Variants in RCBTB2 observed in about 807,000 individuals in gnomAD.
RCBTB2 encodes the protein RCC1 and BTB domain containing protein 2.
Under a neutral mutation model 65.4 loss-of-function variants are expected in RCBTB2, and 55 were observed. That is an observed-to-expected ratio of 0.84 (90% CI 0.68 to 1.05). The LOEUF (loss-of-function observed/expected upper bound fraction) is 1.05, where lower values mean the gene tolerates loss of function less well. RCBTB2 is among the 50% of genes least tolerant of loss of function. The pLI, the probability that RCBTB2 is intolerant of heterozygous loss-of-function variation, is 0.00. For missense variants in RCBTB2, 599 were observed against 680.1 expected, an observed-to-expected ratio of 0.88 and a Z score of 1.33; for synonymous variants, 220 against 255.2, an observed-to-expected ratio of 0.86 and a Z score of 1.31.
chr13:48,516,594 T>C (rs977754322), intron 4 of RCBTB2, among the ~76,000 whole-genome samples: 1 of 152,188 alleles, frequency 6.6e-6, no homozygotes, highest in Non-Finnish European at 1.5e-5. Flanking sequence ...ACCAATTATA[T>C]TGGATTAAGG....
At chr13:48,526,659 A>T (rs938534164) in intron 1 of RCBTB2, among the ~76,000 whole-genome samples, 3 of 152,168 alleles carry the variant, frequency 2.0e-5, no homozygotes, top group Non-Finnish European at 4.4e-5. Flanking sequence ...TCATGCCTGT[A>T]ATCTCAACAT....
chr13:48,531,386 A>T (rs776569385), intron 1 of RCBTB2, among the ~76,000 whole-genome samples: 19 of 152,238 alleles, frequency 1.2e-4, no homozygotes, highest in Admixed American at 2.0e-4. Context: ...AATATATAAT[A>T]TCAGATGGTG....
At chr13:48,534,958 C>T (rs1952342594), upstream of RCBTB2, among the ~76,000 whole-genome samples, 1 of 152,246 alleles carries the variant, frequency 6.6e-6, no homozygotes, top group South Asian at 2.1e-4. Flanking sequence ...GCTGTGCATG[C>T]TCTTATTTAA....
chr13:48,511,101 T>G (rs1950767427), intron 9 of RCBTB2, among the ~76,000 whole-genome samples: 2 of 152,156 alleles, frequency 1.3e-5, no homozygotes, highest in African/African-American at 2.4e-5. Flanking sequence ...TAAAACATGT[T>G]CAATTTGAAA....
intron 10 of RCBTB2, among the ~76,000 whole-genome samples, chr13:48,510,229 T>C (rs1950704623): frequency 6.6e-6 from 1 of 152,228 alleles, no homozygotes; most frequent in African/African-American, 2.4e-5. Context: ...TGACCAGCTT[T>C]ATACCCCATG....
Position 48,519,337 on chromosome 13 carries a change from C to T in RCBTB2, c.42+2561G>A, listed in dbSNP as rs547469078. On this transcript the variant is annotated intron_variant, in intron 4 of 14. Coordinates refer to ENST00000344532, the MANE Select transcript of RCBTB2 (RefSeq NM_001268.4). ...AAGATACAATGACTGACGGCTATTTCATTTTTCCCTTGCAAGCAGAGTTTT... is the reference window on the plus strand; with the variant it reads ...AAGATACAATGACTGACGGCTATTTTATTTTTCCCTTGCAAGCAGAGTTTT... Among the ~76,000 whole-genome samples the T allele has an allele frequency of 1.1e-3, 168 of 152,302 alleles. 1 individual carries two copies. The highest frequency in any genetic ancestry group is 1.1e-3 in the Non-Finnish European group (75 of 68,016).
In RCBTB2 at chr13:48,510,825, C is replaced by T. The variant is rs370486023; in HGVS notation, c.784-54G>A. ...GCAAATATAAGTAATTATTTCACTG[C>T]TTCCACAAAGTAGGTTAAGAATCAA... is the stretch of plus-strand genomic sequence containing the variant. On this transcript the variant is annotated intron_variant, in intron 9 of 14. Transcript: ENST00000344532. The T allele has an allele frequency of 5.9e-5, 91 of 1,537,264 alleles. No individual in the cohort carries two copies. The East Asian group carries it at 8.2e-4, about 14-fold the overall frequency.
intron 1 of RCBTB2, among the ~76,000 whole-genome samples, chr13:48,531,712 C>G (rs1489501044): frequency 6.6e-6 from 1 of 152,216 alleles, no homozygotes. Context: ...TACTGTCTAG[C>G]AGGAAATAAA....
rs540866975 is a variant in RCBTB2 at position 48,512,250 on chromosome 13, T to C, written c.517-76A>G. ...TCAACTGGACACTGACATGTACTTG[T>C]GGCACCGAGTCTTTCCTCTCAAAGT... is the stretch of plus-strand genomic sequence containing the variant. On this transcript the variant is annotated intron_variant, in intron 7 of 14. Transcript: ENST00000344532. 6 of 1,293,404 alleles carry C rather than the reference T, an allele frequency of 4.6e-6. No homozygotes were observed. The South Asian group carries it at 5.4e-5, about 12-fold the overall frequency. 80.1% of individuals were successfully genotyped at this position (1,293,404 alleles called of 1,614,324 possible). A position where few individuals can be genotyped will look rare whatever the true frequency, so the allele number is the denominator to read the frequency against.
At chr13:48,500,507 G>A (rs1316845160) in intron 12 of RCBTB2, among the ~76,000 whole-genome samples, 4 of 152,118 alleles carry the variant, frequency 2.6e-5, no homozygotes, top group African/African-American at 4.8e-5. Flanking sequence ...GCAGTGAGCC[G>A]AGATCAGGCC....
intron 12 of RCBTB2, among the ~76,000 whole-genome samples, chr13:48,500,047 G>A (rs1028069680): frequency 6.6e-6 from 1 of 152,220 alleles, no homozygotes; most frequent in Non-Finnish European, 1.5e-5. Context: ...AGCATTTAGA[G>A]AAATCAGTGG....
chr13:48,513,890 G>A (rs1950941200), intron 6 of RCBTB2, among the ~76,000 whole-genome samples: 2 of 152,082 alleles, frequency 1.3e-5, no homozygotes, highest in African/African-American at 2.4e-5. Context: ...TAAGACTCTC[G>A]TACTGAACCT....
intron 10 of RCBTB2, among the ~76,000 whole-genome samples, chr13:48,503,730 G>A (rs1467484601): frequency 6.6e-6 from 1 of 152,090 alleles, no homozygotes; most frequent in African/African-American, 2.4e-5. Context: ...TGTATTTTTT[G>A]TAGAGACAAG....
intron 1 of RCBTB2, among the ~76,000 whole-genome samples, chr13:48,530,695 G>A (rs374152919): frequency 6.6e-5 from 10 of 152,198 alleles, no homozygotes; most frequent in South Asian, 4.1e-4. Flanking sequence ...TGGAGACAAC[G>A]TACAGTTTTT....
rs1950191679 is a variant in RCBTB2, at chr13:48,500,600, A to C, written c.1245-840T>G. 1.3e-5 allele frequency among the ~76,000 whole-genome samples: 2 copies of C among 152,188 alleles called. 1 individual carries two copies. Among genetic ancestry groups the C allele is most frequent in the South Asian group, 4.1e-4 (2 of 4,830 alleles). On this transcript the variant is annotated intron_variant, in intron 12 of 14. Coordinates refer to ENST00000344532, the MANE Select transcript of RCBTB2 (RefSeq NM_001268.4). ...GGGGGAAATTTGGACACAGACATGCACAAAGGGAGAATGCCACATGCTGAC... is the reference window on the plus strand; with the variant it reads ...GGGGGAAATTTGGACACAGACATGCCCAAAGGGAGAATGCCACATGCTGAC...
intron 10 of RCBTB2, among the ~76,000 whole-genome samples, chr13:48,506,437 A>G (rs1052786287): frequency 6.6e-6 from 1 of 152,226 alleles, no homozygotes; most frequent in African/African-American, 2.4e-5. Context: ...AGGGAGAGAA[A>G]GAATAGTCTG....
intron 14 of RCBTB2, among the ~76,000 whole-genome samples, chr13:48,495,704 A>T (rs1949937257): frequency 1.3e-5 from 2 of 152,218 alleles, no homozygotes; most frequent in South Asian, 4.1e-4. Context: ...GAACACCATT[A>T]TTCTGATCCT....
intron 4 of RCBTB2, among the ~76,000 whole-genome samples, chr13:48,518,007 T>C (rs2138584282): frequency 6.6e-6 from 1 of 152,292 alleles, no homozygotes; most frequent in South Asian, 2.1e-4. Context: ...GGGACTGCAG[T>C]AATGCATCTG....
chr13:48,493,102 G>A (rs74077638), intron 14 of RCBTB2, among the ~76,000 whole-genome samples: 3,927 of 151,782 alleles, frequency 0.026, 157 homozygotes, highest in African/African-American at 0.086. Flanking sequence ...CGCACATCCT[G>A]TTGGCTCTAC....
Sources: gnomAD v4.1 joint callset for allele counts (sites outside exome capture counted in the v4.1 genomes callset) on GRCh38, gnomAD v4.1.1 for gene constraint, MANE v1.5 for transcripts, NCBI Gene and HGNC (gene_info 2026-07-23, HGNC 2026-07-21) for gene names.